The following KIAA1549 variants were observed in gnomAD, a reference collection of about 807,000 sequenced individuals.
KIAA1549 encodes UPF0606 protein KIAA1549.
A neutral mutation model predicts 156.4 loss-of-function variants in KIAA1549; 70 were observed. The observed-to-expected ratio is 0.45, with a 90% confidence interval of 0.37 to 0.55. The LOEUF is 0.55. KIAA1549 is among the 20% of genes least tolerant of loss of function. The probability of loss-of-function intolerance (pLI) is 0.00; values close to 1 mark genes in which losing one functional copy is unlikely to be tolerated. For missense variants in KIAA1549, 2,428 were observed against 2,540.9 expected (o/e 0.96, Z 0.96); for synonymous variants, 1,103 against 1,066.4 (o/e 1.03, Z -0.67).
At chr7:138,944,135 G>A (rs1444898298) in intron 1 of KIAA1549, among the ~76,000 whole-genome samples, 2 of 151,452 alleles carry the variant, frequency 1.3e-5, no homozygotes, top group African/African-American at 4.9e-5. Flanking sequence ...TTATTAACTG[G>A]TAACTATCAT....
intron 10 of KIAA1549, among the ~76,000 whole-genome samples, chr7:138,891,078 T>C (rs1039770888): frequency 6.6e-6 from 1 of 152,224 alleles, no homozygotes; most frequent in African/African-American, 2.4e-5. Context: ...CCCTCCTCTG[T>C]GTTCTCCAGA....
rs1342788818 is a variant in KIAA1549, at chr7:138,917,936, T to C, written c.1690A>G (p.Ile564Val). ...ACAGAGAAAGATGAGTCAAGGAGAATGCTGGTGATGACCGAGAAAAATGCA... is the reference window on the plus strand; with the variant it reads ...ACAGAGAAAGATGAGTCAAGGAGAACGCTGGTGATGACCGAGAAAAATGCA... Reference protein sequence around the residue: ...TTAFFSVITSILLDSSFSVIA... With the variant: ...TTAFFSVITSVLLDSSFSVIA... The change falls in exon 2 of 20, where the codon ATT becomes GTT. Residue 564 changes from isoleucine to valine, a missense_variant. Ile to Val is a conservative substitution (Grantham distance 29). Coordinates refer to ENST00000422774, the MANE Select transcript of KIAA1549 (RefSeq NM_001164665.2). 18 of 1,594,884 alleles carry C rather than the reference T, an allele frequency of 1.1e-5. No individual in the cohort carries two copies. Among genetic ancestry groups the C allele is most frequent in the Non-Finnish European group, 1.2e-5 (14 of 1,170,706 alleles).
At chr7:138,922,743 CAAAT>C (rs1812599320) in intron 1 of KIAA1549, among the ~76,000 whole-genome samples, 2 of 151,076 alleles carry the variant, frequency 1.3e-5, no homozygotes, top group African/African-American at 4.9e-5. Context: ...AACAGGGAAA[CAAAT>C]AAATGTGAAA....
intron 17 of KIAA1549, among the ~76,000 whole-genome samples, chr7:138,849,287 C>T (rs1810168839): frequency 6.6e-6 from 1 of 151,866 alleles, no homozygotes; most frequent in South Asian, 2.1e-4. Flanking sequence ...CCATCTACTT[C>T]CTTTACATTT....
intron 7 of KIAA1549, 102 bp from the exon 8 acceptor site, chr7:138,903,838 TGTGTGTGTGTGTGTGC>T (rs1238129544): frequency 0.012 from 6,271 of 532,692 alleles, 97 homozygotes; most frequent in South Asian, 0.019. Flanking sequence ...TGTGTGTGTG[TGTGTGTGTGTGTGTGC>T]GCGCGCGCGC....
At chr7:138,922,895 A>C (rs1001099107) in intron 1 of KIAA1549, among the ~76,000 whole-genome samples, 2 of 152,140 alleles carry the variant, frequency 1.3e-5, no homozygotes, top group African/African-American at 4.8e-5. Context: ...AATTTGCCAA[A>C]ATTAATATGA....
At chr7:138,845,572 T>C (rs1355546728) in intron 17 of KIAA1549, among the ~76,000 whole-genome samples, 2 of 152,240 alleles carry the variant, frequency 1.3e-5, no homozygotes, top group Admixed American at 1.3e-4. Context: ...ATCTTGCACT[T>C]TGAAGGGATC....
At chr7:138,974,074 T>A (rs920553128) in intron 1 of KIAA1549, among the ~76,000 whole-genome samples, 4 of 152,240 alleles carry the variant, frequency 2.6e-5, no homozygotes, top group Admixed American at 1.3e-4. Context: ...ATTCTAATTT[T>A]ACAGGTAAAG....
chr7:138,904,701 GA>G (rs11411016), intron 7 of KIAA1549, among the ~76,000 whole-genome samples: 111 of 140,344 alleles, frequency 7.9e-4, no homozygotes, highest in Non-Finnish European at 1.1e-3. Flanking sequence ...AACACTTTTA[GA>G]AAAAAAAAAA....
chr7:138,894,240 C>T (rs940381370), intron 10 of KIAA1549, 102 bp downstream of exon 10: 1 of 1,116,758 alleles, frequency 9.0e-7, no homozygotes, highest in African/African-American at 1.5e-5. Context: ...CCATAATAGC[C>T]CTCCCTCTTC....
Position 138,861,331 on chromosome 7 carries a change from C to A in KIAA1549, c.5055G>T (p.Gln1685His), listed in dbSNP as rs1400063854. 1 of 1,608,354 alleles carries A rather than the reference C, an allele frequency of 6.2e-7. No homozygotes were observed. Among genetic ancestry groups the A allele is most frequent in the African/African-American group, 1.3e-5 (1 of 74,712 alleles). Reference sequence around the variant, plus strand: ...CGTCGTCCAGGAGGGAGTGCATGGTCTGGCGTGCCTCCTCGATGGACGGCT... The same window carrying A: ...CGTCGTCCAGGAGGGAGTGCATGGTATGGCGTGCCTCCTCGATGGACGGCT... ...PPQPSIEEAR[Q>H]TMHSLLDDAF... Residue 1685 changes from glutamine (Q) to histidine (H), a missense_variant, in exon 16 of 20, where the codon CAG becomes CAT. Physicochemically the swap from Gln to His is conservative, Grantham distance 24. Around this residue, in one of 5 missense-constraint regions of KIAA1549, gnomAD observed 363 missense variants for 354.0 expected, o/e 1.03. Coordinates refer to ENST00000422774, the MANE Select transcript of KIAA1549 (RefSeq NM_001164665.2).
chr7:138,892,984 C>T (rs1020507188), intron 10 of KIAA1549, among the ~76,000 whole-genome samples: 4 of 152,310 alleles, frequency 2.6e-5, no homozygotes, highest in African/African-American at 9.6e-5. Context: ...GGACTGACTA[C>T]CACGTTCCAC....
At position 138,977,655 on chromosome 7, in the gene KIAA1549, A is replaced by AACACACACACACACACACAC. The variant is rs10625706; in HGVS notation, c.187+3408_187+3427dup. On this transcript the variant is annotated intron_variant, in intron 1 of 19. Coordinates refer to ENST00000422774, the MANE Select transcript of KIAA1549 (RefSeq NM_001164665.2). ...CCTTCCACAAATGTATACTCAAGAA[A>AACACACACACACACACACAC]ACACACACACACACACACACACACA... 8.5e-4 allele frequency among the ~76,000 whole-genome samples: 125 copies of AACACACACACACACACACAC among 146,910 alleles called. 1 individual carries two copies. The highest frequency in any genetic ancestry group is 2.9e-3 in the African/African-American group (114 of 39,710).
chr7:138,862,732 A>C (rs910364301), intron 15 of KIAA1549, among the ~76,000 whole-genome samples: 9 of 152,270 alleles, frequency 5.9e-5, no homozygotes, highest in Admixed American at 2.0e-4. Flanking sequence ...GGAGTTCGAG[A>C]CCAGCGTGGC....
At chr7:138,851,879 G>C (rs1435277886) in intron 17 of KIAA1549, among the ~76,000 whole-genome samples, 1 of 152,208 alleles carries the variant, frequency 6.6e-6, no homozygotes, top group African/African-American at 2.4e-5. Context: ...TGTCCCTGGG[G>C]AAAAAGTGGC....
rs1177918017 is a variant in KIAA1549 at position 138,919,287 on chromosome 7, C to T, written c.339G>A (p.Pro113=). The change falls in exon 2 of 20, where the codon CCG becomes CCA. Residue 113 remains proline (P), a synonymous_variant. Transcript: ENST00000422774. Reference sequence around the variant, plus strand: ...AGGCTGTATCAAAAGTAGTGGCAGACGGCGGGGCTGTGACATGGAGAGGAC... The same window carrying T: ...AGGCTGTATCAAAAGTAGTGGCAGATGGCGGGGCTGTGACATGGAGAGGAC... ...HSSPLHVTAP[P]SATTFDTAFF... The T allele has an allele frequency of 1.5e-5, 25 of 1,613,860 alleles. No homozygotes were observed. The highest frequency in any genetic ancestry group is 1.3e-4 in the East Asian group (6 of 44,884).
intron 8 of KIAA1549, among the ~76,000 whole-genome samples, chr7:138,900,246 G>C (rs1811803933): frequency 6.6e-6 from 1 of 152,144 alleles, no homozygotes; most frequent in South Asian, 2.1e-4. Context: ...CGTGTCTAAA[G>C]ATCCTTAACA....
chr7:138,861,516 G>C, intron 15 of KIAA1549, 60 bp from the exon 16 acceptor site: 2 of 1,368,338 alleles, frequency 1.5e-6, no homozygotes, highest in Non-Finnish European at 2.0e-6. Context: ...ACCCTAAACA[G>C]TTTTCCTGAC....
chr7:138,939,504 G>C (rs1813112148), intron 1 of KIAA1549, among the ~76,000 whole-genome samples: 1 of 151,930 alleles, frequency 6.6e-6, no homozygotes, highest in Non-Finnish European at 1.5e-5. Flanking sequence ...TCTATATTTG[G>C]CTGACTATAT....
Sources: gnomAD v4.1 joint callset for allele counts (sites outside exome capture counted in the v4.1 genomes callset) on GRCh38, gnomAD v4.1.1 for gene constraint, gnomAD v4.1.1 regional missense constraint, MANE v1.5 for transcripts, NCBI Gene and HGNC (gene_info 2026-07-23, HGNC 2026-07-21) for gene names.